Variants in MYH15 observed in about 807,000 individuals in gnomAD.
MYH15 encodes the protein myosin-15.
A neutral mutation model predicts 240.5 loss-of-function variants in MYH15; 227 were observed. The observed-to-expected ratio is 0.94, with a 90% CI of 0.85 to 1.05. MYH15 has a LOEUF of 1.05. Ranked by LOEUF, MYH15 falls within the 50% of genes least tolerant of loss-of-function variation. The pLI is 0.00. For missense variants in MYH15, 2,217 were observed against 2,247.5 expected (o/e 0.99, Z 0.27); for synonymous variants, 785 against 796.7 (o/e 0.99, Z 0.25).
intron 27 of MYH15, 112 bp from the exon 28 acceptor site, chr3:108,421,326 G>T: frequency 8.0e-7 from 1 of 1,250,284 alleles, no homozygotes; most frequent in Non-Finnish European, 1.1e-6. Flanking sequence ...CTCTTCTGTA[G>T]TAAAGAGCTC....
chr3:108,486,981 C>T (rs768562926), intron 9 of MYH15, among the ~76,000 whole-genome samples: 1 of 152,216 alleles, frequency 6.6e-6, no homozygotes, highest in African/African-American at 2.4e-5. Context: ...CTGGGGTCAG[C>T]GCCCAGGGAA....
chr3:108,520,023 T>C (rs922059432), intron 1 of MYH15, among the ~76,000 whole-genome samples: 8 of 152,168 alleles, frequency 5.3e-5, no homozygotes, highest in African/African-American at 1.9e-4. Flanking sequence ...CCAGTTCAAT[T>C]AAATATAACA....
intron 15 of MYH15, among the ~76,000 whole-genome samples, chr3:108,464,418 G>A (rs556300728): frequency 6.6e-6 from 1 of 152,202 alleles, no homozygotes; most frequent in Non-Finnish European, 1.5e-5. Context: ...GAGGTTGACA[G>A]AGTCCATTTG....
chr3:108,426,368 C>G (rs2082724959), intron 27 of MYH15, among the ~76,000 whole-genome samples: 1 of 152,036 alleles, frequency 6.6e-6, no homozygotes, highest in African/African-American at 2.4e-5. Flanking sequence ...GCCCAGAAGG[C>G]CAGGGCCTTG....
At chr3:108,446,594 C>T (rs1189187886) in intron 21 of MYH15, among the ~76,000 whole-genome samples, 1 of 147,654 alleles carries the variant, frequency 6.8e-6, no homozygotes, top group Non-Finnish European at 1.5e-5. Flanking sequence ...AGTAACCATC[C>T]CTAAAAAAAT....
chr3:108,501,287 A>G (rs550923776), intron 3 of MYH15, among the ~76,000 whole-genome samples: 12 of 152,222 alleles, frequency 7.9e-5, no homozygotes, highest in African/African-American at 2.9e-4. Flanking sequence ...AAGATGATGA[A>G]GAAATCATCT....
Position 108,410,698 on chromosome 3 carries a change from A to G in MYH15, c.4380T>C (p.Asp1460=). 1 of 1,614,192 alleles carries G rather than the reference A, an allele frequency of 6.2e-7. No individual in the cohort carries two copies. Among genetic ancestry groups the G allele is most frequent in the Non-Finnish European group, 8.5e-7 (1 of 1,180,044 alleles). ...GAGCCTGAACTTCCTTCTGAGAGGC[A>G]TCCAGCAACGCCTGGGACTCCTCGT... ...QKHEESQALL[D]ASQKEVQALS... The change falls in exon 31 of 41, where the codon GAT becomes GAC. Residue 1460 remains aspartate, a synonymous_variant. Coordinates refer to ENST00000693548, the MANE Select transcript of MYH15 (RefSeq NM_014981.3).
upstream of MYH15, among the ~76,000 whole-genome samples, chr3:108,511,043 G>A (rs747589964): frequency 7.2e-5 from 11 of 152,002 alleles, no homozygotes; most frequent in African/African-American, 1.7e-4. Context: ...GCCACCCTGC[G>A]CCATGGAGTT....
At chr3:108,395,396 A>G (rs1462536543) in intron 35 of MYH15, among the ~76,000 whole-genome samples, 2 of 152,222 alleles carry the variant, frequency 1.3e-5, no homozygotes, top group African/African-American at 4.8e-5. Context: ...CAGGCCCTGT[A>G]TACCTCCTAG....
At chr3:108,383,782 G>GTTTT in intron 39 of MYH15, 53 bp from the exon 40 acceptor site, 3 of 1,169,690 alleles carry the variant, frequency 2.6e-6, no homozygotes, top group Non-Finnish European at 3.4e-6. Context: ...ATAGTCAGGT[G>GTTTT]TTTTTTTTTT....
At chr3:108,466,011 T>C (rs3957559) in intron 14 of MYH15, among the ~76,000 whole-genome samples, 139,240 of 152,266 alleles carry the variant, frequency 0.91, 64,526 homozygotes, top group Middle Eastern at 0.95. Context: ...ACCATATAGT[T>C]TCTGTCAGAC....
At chr3:108,428,068 A>C (rs77369374) in intron 27 of MYH15, among the ~76,000 whole-genome samples, 7,352 of 152,228 alleles carry the variant, frequency 0.048, 599 homozygotes, top group African/African-American at 0.17. Context: ...GAGGGAGAAA[A>C]AGTTCCCTCC....
chr3:108,454,506 G>C (rs1443179856), intron 20 of MYH15, among the ~76,000 whole-genome samples: 1 of 152,082 alleles, frequency 6.6e-6, no homozygotes, highest in Non-Finnish European at 1.5e-5. Context: ...TTCTGTGAAG[G>C]ATCAGATAGT....
chr3:108,545,197 A>G, the MYH15 span, among the ~76,000 whole-genome samples: 4 of 152,142 alleles, frequency 2.6e-5, no homozygotes, highest in Non-Finnish European at 5.9e-5. Context: ...AGTCTGAGCA[A>G]CCCAGACTAG....
At chr3:108,531,674 G>A (rs2083710994), upstream of MYH15, among the ~76,000 whole-genome samples, 1 of 152,014 alleles carries the variant, frequency 6.6e-6, no homozygotes, top group African/African-American at 2.4e-5. Flanking sequence ...CTACTTGGGA[G>A]GCTGAGGCAG....
chr3:108,546,852 G>A, the MYH15 span, among the ~76,000 whole-genome samples: 1 of 152,070 alleles, frequency 6.6e-6, no homozygotes, highest in African/African-American at 2.4e-5. Context: ...GACTCACAGA[G>A]GTCTTCGATG....
intron 33 of MYH15, 36 bp from the exon 34 acceptor site, chr3:108,399,303 C>T: frequency 6.5e-7 from 1 of 1,529,198 alleles, no homozygotes; most frequent in Non-Finnish European, 9.0e-7. Context: ...GGGGAAATGA[C>T]ACATCCAAAT....
chr3:108,435,462 A>AT (rs2082823014), intron 25 of MYH15, among the ~76,000 whole-genome samples: 1 of 151,922 alleles, frequency 6.6e-6, no homozygotes, highest in Admixed American at 6.6e-5. Context: ...GAAACTCTCC[A>AT]TTATTTCTCC....
At position 108,405,358 on chromosome 3, in the gene MYH15, A is replaced by G. The variant is rs755640373; in HGVS notation, c.4716T>C (p.Asp1572=). 2.0e-6 allele frequency: 3 copies of G among 1,505,230 alleles called. No individual in the cohort carries two copies. Among genetic ancestry groups the G allele is most frequent in the South Asian group, 1.4e-5 (1 of 72,152 alleles). The allele number at this position is 1,505,230 out of a possible 1,614,324, so 93.2% of individuals were successfully genotyped here. Residue 1572 remains aspartate (D), a synonymous_variant, in exon 33 of 41, where the codon GAT becomes GAC. Coordinates refer to ENST00000693548, the MANE Select transcript of MYH15 (RefSeq NM_014981.3). The part of the protein sequence containing the change: ...AELERKLSEK[D]EEIENFRRKQ... ...AATACCTAAAATTTTCTATTTCTTCATCTTTCTCTGAAAGCTTTCTTTCAA... is the reference window on the plus strand; with the variant it reads ...AATACCTAAAATTTTCTATTTCTTCGTCTTTCTCTGAAAGCTTTCTTTCAA...
Sources: gnomAD v4.1 joint callset for allele counts (sites outside exome capture counted in the v4.1 genomes callset) on GRCh38, gnomAD v4.1.1 for gene constraint, MANE v1.5 for transcripts, NCBI Gene and HGNC (gene_info 2026-07-23, HGNC 2026-07-21) for gene names.